Variants in PGGT1B observed in about 807,000 individuals in gnomAD.
The protein encoded by PGGT1B is geranylgeranyl transferase type-1 subunit beta.
In PGGT1B, 30 loss-of-function variants were observed where a neutral mutation model predicts 46.1. The ratio of observed to expected loss-of-function variants is 0.65; its 90% CI spans 0.49 to 0.88. The LOEUF (loss-of-function observed/expected upper bound fraction) is 0.88. Ranked by LOEUF, PGGT1B falls within the 40% of genes least tolerant of loss-of-function variation. The pLI is 0.00. For missense variants in PGGT1B, 376 were observed against 455.9 expected (o/e 0.82, Z 1.60); for synonymous variants, 170 against 160.0 (o/e 1.06, Z -0.47).
At chr5:115,234,396 G>C (rs1474336146) in intron 5 of PGGT1B, among the ~76,000 whole-genome samples, 5 of 151,918 alleles carry the variant, frequency 3.3e-5, no homozygotes, top group Admixed American at 1.3e-4. Flanking sequence ...GGGGAATACA[G>C]GGAGGGTGAG....
At chr5:115,228,306 G>C (rs1756858123) in intron 6 of PGGT1B, among the ~76,000 whole-genome samples, 1 of 152,162 alleles carries the variant, frequency 6.6e-6, no homozygotes, top group African/African-American at 2.4e-5. Flanking sequence ...GCATGTTACA[G>C]GTGTAGAGGA....
chr5:115,243,127 T>G (rs144608913), intron 2 of PGGT1B, among the ~76,000 whole-genome samples: 1 of 152,190 alleles, frequency 6.6e-6, no homozygotes, highest in African/African-American at 2.4e-5. Flanking sequence ...GGTTCTCTTA[T>G]CCTAAGGACT....
intron 8 of PGGT1B, among the ~76,000 whole-genome samples, chr5:115,213,164 T>A (rs1027949360): frequency 6.6e-6 from 1 of 152,254 alleles, no homozygotes; most frequent in Non-Finnish European, 1.5e-5. Context: ...TAGGGTAATG[T>A]CAGTCATTGT....
intron 2 of PGGT1B, among the ~76,000 whole-genome samples, chr5:115,249,531 G>A (rs1208210557): frequency 1.3e-5 from 2 of 152,056 alleles, no homozygotes; most frequent in African/African-American, 4.8e-5. Flanking sequence ...CAAGGTGAGT[G>A]GTTTGGTGGG....
Position 115,205,050 on chromosome 5 carries a change from C to A in PGGT1B, c.*7352G>T, listed in dbSNP as rs1279951199. 1 of 152,154 alleles carries A rather than the reference C, an allele frequency of 6.6e-6. No homozygotes were observed. The highest frequency in any genetic ancestry group is 1.9e-4 in the East Asian group (1 of 5,196). 9.4% of individuals were successfully genotyped at this position (152,154 alleles called of 1,614,324 possible). On this transcript the variant is annotated 3_prime_UTR_variant, in exon 9 of 9. Coordinates refer to ENST00000419445, the MANE Select transcript of PGGT1B (RefSeq NM_005023.4). ...AACAGGCTAGCATACTACTTAGTTG[C>A]ACTTTATCAAATCGATTTTAGTGAT...
In PGGT1B at chr5:115,205,887, C is replaced by A. The variant is rs1010845950; in HGVS notation, c.*6515G>T. On this transcript the variant is annotated 3_prime_UTR_variant, in exon 9 of 9. Coordinates refer to ENST00000419445, the MANE Select transcript of PGGT1B (RefSeq NM_005023.4). ...ATGCAAATGGGCAATTATACATTTT[C>A]AAGGATCTCACAGCAATATTTTTGT... is the stretch of plus-strand genomic sequence containing the variant. 3 of 151,712 alleles carry A rather than the reference C, an allele frequency of 2.0e-5. No homozygotes were observed. The highest frequency in any genetic ancestry group is 7.3e-5 in the African/African-American group (3 of 41,266). The allele number at this position is 151,712 out of a possible 1,614,324, so 9.4% of individuals were successfully genotyped here. A position where few individuals can be genotyped will look rare whatever the true frequency, so the allele number is the denominator to read the frequency against.
rs559165096 is a variant in PGGT1B, at chr5:115,244,242, G to A, written c.260-2636C>T. Reference sequence around the variant, plus strand: ...GCACTTTGGGAGGCCGAGACGGGCGGATCACGAGGTCAGGAGATCAAGACC... The same window carrying A: ...GCACTTTGGGAGGCCGAGACGGGCGAATCACGAGGTCAGGAGATCAAGACC... On this transcript the variant is annotated intron_variant, in intron 2 of 8. Transcript: ENST00000419445. Among the ~76,000 whole-genome samples the A allele has an allele frequency of 4.6e-5, 7 of 151,738 alleles. No homozygotes were observed. The South Asian group carries it at 1.5e-3, about 32-fold the overall frequency.
At chr5:115,228,681 A>T (rs265434) in intron 6 of PGGT1B, among the ~76,000 whole-genome samples, 22,957 of 152,066 alleles carry the variant, frequency 0.15, 2,442 homozygotes, top group African/African-American at 0.3. Flanking sequence ...CTATTCAGAG[A>T]AAAGAAAGCT....
intron 1 of PGGT1B, among the ~76,000 whole-genome samples, chr5:115,253,856 C>A (rs1748203460): frequency 6.6e-6 from 1 of 151,974 alleles, no homozygotes; most frequent in Non-Finnish European, 1.5e-5. Context: ...AACCTTCCCC[C>A]TCTGAAACTG....
chr5:115,228,230 T>C (rs1756854655), intron 6 of PGGT1B, among the ~76,000 whole-genome samples: 1 of 152,150 alleles, frequency 6.6e-6, no homozygotes, highest in Non-Finnish European at 1.5e-5. Context: ...AACACAGTTT[T>C]GGGTGCCATC....
chr5:115,212,972 T>G (rs984209621), intron 8 of PGGT1B, among the ~76,000 whole-genome samples: 2 of 151,532 alleles, frequency 1.3e-5, no homozygotes, highest in Non-Finnish European at 2.9e-5. Flanking sequence ...TATCATTAAG[T>G]TTTTTTTTCT....
At chr5:115,260,245 A>C (rs899252810) in intron 1 of PGGT1B, among the ~76,000 whole-genome samples, 1 of 152,228 alleles carries the variant, frequency 6.6e-6, no homozygotes, top group African/African-American at 2.4e-5. Flanking sequence ...AAAATGGTGA[A>C]TCTGAAAATA....
intron 2 of PGGT1B, among the ~76,000 whole-genome samples, chr5:115,244,466 C>CAAAAAAAAAA (rs1299602640): frequency 3.2e-5 from 1 of 31,188 alleles, no homozygotes. Flanking sequence ...CTCTGTCTCA[C>CAAAAAAAAAA]AAAAAAAAAA....
chr5:115,257,815 C>T (rs749336473), intron 1 of PGGT1B, among the ~76,000 whole-genome samples: 2 of 152,122 alleles, frequency 1.3e-5, no homozygotes, highest in Non-Finnish European at 2.9e-5. Flanking sequence ...TAAGCATCTA[C>T]ATTAAGAAAT....
intron 1 of PGGT1B, among the ~76,000 whole-genome samples, chr5:115,260,161 A>C (rs1360532300): frequency 6.6e-6 from 1 of 152,228 alleles, no homozygotes; most frequent in East Asian, 1.9e-4. Flanking sequence ...TCATAAAGTC[A>C]TTGTCACTAG....
At position 115,207,041 on chromosome 5, in the gene PGGT1B, AAG is replaced by A. The variant is rs1300871794; in HGVS notation, c.*5359_*5360del. The A allele has an allele frequency of 2.0e-5, 3 of 151,470 alleles. No homozygotes were observed. The South Asian group carries it at 6.2e-4, about 31-fold the overall frequency. 9.4% of individuals were successfully genotyped at this position (151,470 alleles called of 1,614,324 possible). On this transcript the variant is annotated 3_prime_UTR_variant, in exon 9 of 9. Coordinates refer to ENST00000419445, the MANE Select transcript of PGGT1B (RefSeq NM_005023.4). The stretch of plus-strand genomic sequence containing the variant: ...GGTGGAATCTACATTTTTGCCTCTC[AAG>A]AGTTTTTTTAGTTTTCCTCATACAG...
chr5:115,221,177 C>G (rs1200488024), intron 7 of PGGT1B, among the ~76,000 whole-genome samples: 2 of 151,854 alleles, frequency 1.3e-5, no homozygotes, highest in African/African-American at 4.8e-5. Context: ...ACATGGACTC[C>G]TCTAACAGAC....
intron 2 of PGGT1B, among the ~76,000 whole-genome samples, chr5:115,245,861 T>C (rs191054749): frequency 6.6e-6 from 1 of 152,298 alleles, no homozygotes; most frequent in Non-Finnish European, 1.5e-5. Context: ...TGAAACTGGA[T>C]AAAGAAGTTT....
intron 2 of PGGT1B, among the ~76,000 whole-genome samples, chr5:115,243,633 C>G (rs1442238172): frequency 2.0e-5 from 3 of 152,200 alleles, no homozygotes; most frequent in Non-Finnish European, 4.4e-5. Context: ...CACCTACTGC[C>G]TTACTGTTTG....
Sources: allele counts gnomAD v4.1 joint callset (sites outside exome capture counted in the v4.1 genomes callset), GRCh38; gene constraint gnomAD v4.1.1; transcripts MANE v1.5; gene names NCBI Gene and HGNC (gene_info 2026-07-23, HGNC 2026-07-21).